The following SRR variants were observed in gnomAD, a reference collection of about 807,000 sequenced individuals.
SRR encodes the protein serine racemase.
In SRR, 19 loss-of-function variants were observed where a neutral mutation model predicts 32.7. The observed-to-expected ratio is 0.58, with a 90% confidence interval of 0.40 to 0.85. The LOEUF (loss-of-function observed/expected upper bound fraction) is 0.85, where lower values mean the gene tolerates loss of function less well. Ranked by LOEUF, SRR falls within the 40% of genes least tolerant of loss-of-function variation. The pLI is 0.00. For missense variants in SRR, 373 were observed against 404.7 expected, an observed-to-expected ratio of 0.92 and a Z score of 0.67; for synonymous variants, 142 against 140.9, an observed-to-expected ratio of 1.01 and a Z score of -0.06.
upstream of SRR, chr17:2,303,666 G>A (rs760676608): frequency 6.0e-6 from 9 of 1,493,334 alleles, no homozygotes; most frequent in Admixed American, 2.2e-5. Context: ...AGAGTAGCCA[G>A]GATCCCGCGC....
intron 1 of SRR, among the ~76,000 whole-genome samples, chr17:2,315,189 C>T (rs1002234142): frequency 2.0e-5 from 3 of 148,498 alleles, no homozygotes; most frequent in East Asian, 2.0e-4. Context: ...TGCAGTGAGC[C>T]GAGATTGTGC....
rs1567778342 is a variant in SRR at position 2,319,047 on chromosome 17, C to T, written c.399+118C>T. On this transcript the variant is annotated intron_variant, in intron 4 of 7. Coordinates refer to ENST00000344595, the MANE Select transcript of SRR (RefSeq NM_021947.3). ...GTGGTTTCCCCTTTATTTCTGTTAG[C>T]ATGCTCAACCTTTTCTCTATCTACA... The T allele has an allele frequency of 1.6e-5, 10 of 623,978 alleles. No individual in the cohort carries two copies. In the East Asian group the frequency reaches 2.9e-4, roughly 18 times the overall value. 38.7% of individuals were successfully genotyped at this position (623,978 alleles called of 1,614,324 possible). A position where few individuals can be genotyped will look rare whatever the true frequency, so the allele number is the denominator to read the frequency against.
chr17:2,316,735 C>G (rs545225662), intron 2 of SRR, among the ~76,000 whole-genome samples: 1 of 151,940 alleles, frequency 6.6e-6, no homozygotes, highest in Admixed American at 6.6e-5. Flanking sequence ...TGTTTTGAGA[C>G]GGAGTCTCAC....
Position 2,324,497 on chromosome 17 carries a change from T to G in SRR, c.*624T>G, listed in dbSNP as rs2075562194. 5.0e-6 allele frequency: 8 copies of G among 1,614,240 alleles called. No homozygotes were observed. Among genetic ancestry groups the G allele is most frequent in the Non-Finnish European group, 6.8e-6 (8 of 1,180,038 alleles). ...CAGACATGGTCTCAAATCCCGTGTT[T>G]CCTTACCTAAAGGTTCCTTGATATG... On this transcript the variant is annotated 3_prime_UTR_variant, in exon 8 of 8. Transcript: ENST00000344595.
chr17:2,320,008 C>A (rs541367098), intron 4 of SRR, among the ~76,000 whole-genome samples: 16 of 149,430 alleles, frequency 1.1e-4, no homozygotes, highest in South Asian at 8.5e-4. Flanking sequence ...TTAGTAGAGA[C>A]GGGGTTTCAC....
At chr17:2,310,745 A>G (rs1326682677) in intron 1 of SRR, among the ~76,000 whole-genome samples, 2 of 150,202 alleles carry the variant, frequency 1.3e-5, no homozygotes, top group East Asian at 3.9e-4. Flanking sequence ...CTCCTGGCTA[A>G]TTTTTTTGTT....
chr17:2,318,137 T>G (rs1189231810), intron 3 of SRR, 141 bp downstream of exon 3: 7 of 885,172 alleles, frequency 7.9e-6, no homozygotes, highest in Admixed American at 7.2e-5. Context: ...TGAACATAAG[T>G]TTTTTTTTTG....
intron 6 of SRR, 23 bp from the exon 7 acceptor site, chr17:2,323,106 GTTAAGAT>G: frequency 6.2e-7 from 1 of 1,609,696 alleles, no homozygotes; most frequent in Non-Finnish European, 8.5e-7. Context: ...GTGGTTTGTT[GTTAAGAT>G]GTCTTAATAT....
upstream of SRR, chr17:2,303,517 G>A (rs966865318): frequency 1.2e-5 from 16 of 1,334,498 alleles, no homozygotes; most frequent in Non-Finnish European, 1.5e-5. Context: ...AGCGCCTACT[G>A]CTGGGGGAAG....
chr17:2,306,182 G>T (rs2075388764), intron 1 of SRR, among the ~76,000 whole-genome samples: 1 of 151,752 alleles, frequency 6.6e-6, no homozygotes, highest in African/African-American at 2.4e-5. Flanking sequence ...TGGGTGTGGT[G>T]GCGGGCACCT....
intron 1 of SRR, 76 bp from the exon 2 acceptor site, chr17:2,315,480 AC>A (rs2075465811): frequency 7.2e-7 from 1 of 1,388,206 alleles, no homozygotes; most frequent in South Asian, 1.5e-5. Context: ...CTATTCTGTT[AC>A]GTATTTTCAA....
At chr17:2,319,008 TCTCAGC>T (rs2075502779) in intron 4 of SRR, 79 bp downstream of exon 4, 2 of 952,918 alleles carry the variant, frequency 2.1e-6, no homozygotes, top group Non-Finnish European at 3.4e-6. Context: ...GGCTGCTCCT[TCTCAGC>T]CTCCTTTGTG....
chr17:2,314,760 CA>C (rs950178086), intron 1 of SRR, among the ~76,000 whole-genome samples: 92 of 136,206 alleles, frequency 6.8e-4, no homozygotes, highest in African/African-American at 2.3e-3. Context: ...TCTCAAAAAA[CA>C]AAAAAAAAGA....
At chr17:2,317,074 G>T (rs547289597) in intron 2 of SRR, among the ~76,000 whole-genome samples, 94 of 150,930 alleles carry the variant, frequency 6.2e-4, no homozygotes, top group Non-Finnish European at 1.1e-3. Context: ...TTGGTGCCAG[G>T]CACCTGTAAT....
intron 1 of SRR, among the ~76,000 whole-genome samples, chr17:2,310,749 TTTTG>T (rs200112658): frequency 7.8e-4 from 119 of 152,026 alleles, no homozygotes; most frequent in African/African-American, 2.3e-3. Context: ...TGGCTAATTT[TTTTG>T]TTTGTTTGTT....
intron 7 of SRR, 58 bp from the exon 8 acceptor site, chr17:2,323,597 A>G: frequency 6.4e-7 from 1 of 1,561,280 alleles, no homozygotes; most frequent in Non-Finnish European, 8.8e-7. Flanking sequence ...TCTGAACTTT[A>G]TAGGTAAACC....
At chr17:2,303,585 G>A, upstream of SRR, 1 of 1,377,214 alleles carries the variant, frequency 7.3e-7, no homozygotes, top group Non-Finnish European at 9.4e-7. Flanking sequence ...GGAGGAGAGG[G>A]AGGCGGGGCG....
intron 1 of SRR, among the ~76,000 whole-genome samples, chr17:2,311,342 A>G (rs552626735): frequency 6.6e-6 from 1 of 150,596 alleles, no homozygotes; most frequent in African/African-American, 2.4e-5. Context: ...ATTAAAAAAT[A>G]TTGAGTTTTC....
chr17:2,306,965 A>T, intron 1 of SRR: 1 of 1,267,440 alleles, frequency 7.9e-7, no homozygotes, highest in Non-Finnish European at 1.1e-6. Context: ...GAGGAGGTGG[A>T]TGCAGCCACG....
Sources: allele counts gnomAD v4.1 joint callset (sites outside exome capture counted in the v4.1 genomes callset), GRCh38; gene constraint gnomAD v4.1.1; transcripts MANE v1.5; gene names NCBI Gene and HGNC (gene_info 2026-07-23, HGNC 2026-07-21).